NDRG1: variants seen among roughly 807,000 people sequenced by gnomAD.
The protein encoded by NDRG1 is N-myc downstream regulated 1, also known as protein NDRG1.
In NDRG1, 32 loss-of-function variants were observed where a neutral mutation model predicts 56.9. That is an observed-to-expected ratio of 0.56 (90% confidence interval 0.42 to 0.76). The LOEUF (loss-of-function observed/expected upper bound fraction) is 0.76, where lower values mean the gene tolerates loss of function less well. Ranked by LOEUF, NDRG1 falls within the 30% of genes least tolerant of loss-of-function variation. The pLI, the probability that NDRG1 is intolerant of heterozygous loss-of-function variation, is 0.00. For missense variants in NDRG1, 507 were observed against 545.7 expected, an observed-to-expected ratio of 0.93 and a Z score of 0.71; for synonymous variants, 211 against 204.1, an observed-to-expected ratio of 1.03 and a Z score of -0.29.
intron 14 of NDRG1, 25 bp from the exon 15 acceptor site, chr8:133,242,099 G>T: frequency 6.2e-7 from 1 of 1,614,078 alleles, no homozygotes; most frequent in Non-Finnish European, 8.5e-7. Context: ...GAGAGAAAAT[G>T]CAGTCAGTTG....
chr8:133,255,913 A>G (rs1326786686), intron 8 of NDRG1: 1 of 154,154 alleles, frequency 6.5e-6, no homozygotes, highest in East Asian at 1.9e-4. Flanking sequence ...AAACAAAAAC[A>G]CCACAATGAT....
intron 9 of NDRG1, 60 bp from the exon 10 acceptor site, chr8:133,250,603 A>G (rs1855963677): frequency 1.5e-6 from 2 of 1,329,792 alleles, no homozygotes; most frequent in Non-Finnish European, 2.2e-6. Context: ...GCTGGTCACT[A>G]CTCTCTCCAT....
intron 3 of NDRG1, among the ~76,000 whole-genome samples, chr8:133,273,380 G>A (rs549879465): frequency 3.3e-5 from 5 of 152,304 alleles, no homozygotes; most frequent in South Asian, 2.1e-4. Flanking sequence ...GGCTCCAGAC[G>A]TGTGGATTGA....
In NDRG1 at chr8:133,256,947, G is replaced by A. The variant is rs115154322; in HGVS notation, c.451-84C>T. 1.7e-3 allele frequency: 2,203 copies of A among 1,329,214 alleles called. 24 individuals are homozygous for A. In the African/African-American group the frequency reaches 0.028, roughly 17 times the overall value. The allele number at this position is 1,329,214 out of a possible 1,614,324, so 82.3% of individuals were successfully genotyped here. A position where few individuals can be genotyped will look rare whatever the true frequency, so the allele number is the denominator to read the frequency against. Reference sequence around the variant, plus strand: ...TTCCAAGGCAAACCAAAGCTTGAGAGAAGTACCCAGAAAAAGGCAGTGTGG... The same window carrying A: ...TTCCAAGGCAAACCAAAGCTTGAGAAAAGTACCCAGAAAAAGGCAGTGTGG... On this transcript the variant is annotated intron_variant, in intron 7 of 15. Transcript: ENST00000323851.
At chr8:133,250,823 G>C (rs943674986) in intron 9 of NDRG1, among the ~76,000 whole-genome samples, 2 of 150,406 alleles carry the variant, frequency 1.3e-5, no homozygotes, top group African/African-American at 4.9e-5. Context: ...TCAATTTGAA[G>C]TCAGACATCC....
chr8:133,280,467 A>G (rs1857732334), intron 2 of NDRG1, among the ~76,000 whole-genome samples, 200 bp from the exon 3 acceptor site: 1 of 138,606 alleles, frequency 7.2e-6, no homozygotes, highest in Non-Finnish European at 1.5e-5. Flanking sequence ...TCTGTCGCCC[A>G]GGTTAGAGTA....
At position 133,297,141 on chromosome 8, in the gene NDRG1, G is replaced by C. The variant is rs1474843512; in HGVS notation, c.-26C>G. The C allele has an allele frequency of 6.6e-6, 1 of 152,358 alleles. No individual in the cohort carries two copies. The highest frequency in any genetic ancestry group is 1.5e-5 in the Non-Finnish European group (1 of 68,136). The allele number at this position is 152,358 out of a possible 1,614,324, so 9.4% of individuals were successfully genotyped here. On this transcript the variant is annotated 5_prime_UTR_variant, in exon 1 of 16. Coordinates refer to ENST00000323851, the MANE Select transcript of NDRG1 (RefSeq NM_006096.4). ...AAGAGGGCGCGGGCTTACCTAACGC[G>C]AGGGAGAAAGGAAAGGACGGTGCCG... is the stretch of plus-strand genomic sequence containing the variant.
chr8:133,281,225 C>T (rs746580751), intron 2 of NDRG1, among the ~76,000 whole-genome samples: 6 of 152,006 alleles, frequency 3.9e-5, no homozygotes, highest in Non-Finnish European at 7.4e-5. Context: ...GGCATGATGG[C>T]GCATGCCTGT....
At chr8:133,239,309 G>A (rs1855251981) in intron 15 of NDRG1, 190 bp from the exon 16 acceptor site, 6 of 933,362 alleles carry the variant, frequency 6.4e-6, no homozygotes, top group Admixed American at 2.4e-5. Flanking sequence ...AGGCCCAGAT[G>A]CGGGAAGGAA....
chr8:133,254,381 TATGA>T (rs1343183967), intron 9 of NDRG1, among the ~76,000 whole-genome samples, 154 bp downstream of exon 9: 2 of 152,240 alleles, frequency 1.3e-5, no homozygotes, highest in Non-Finnish European at 2.9e-5. Context: ...ACTTGTTGCT[TATGA>T]ATGAATAATG....
intron 10 of NDRG1, chr8:133,249,230 CCT>C (rs1301185030): frequency 1.2e-5 from 3 of 254,232 alleles, no homozygotes; most frequent in East Asian, 9.6e-5. Context: ...CTTTCCATTC[CCT>C]GTCTCAAACC....
At position 133,283,880 on chromosome 8, in the gene NDRG1, C is replaced by T. The variant is rs943813677; in HGVS notation, c.63+369G>A. On this transcript the variant is annotated intron_variant, in intron 2 of 15. Coordinates refer to ENST00000323851, the MANE Select transcript of NDRG1 (RefSeq NM_006096.4). ...CCCCATGTTGCATGTTCTATAACCA[C>T]AGAATGTTAGAGACGGGAAAGCTGA... Among the ~76,000 whole-genome samples, 23 of 152,318 alleles carry T rather than the reference C, an allele frequency of 1.5e-4. 1 individual carries two copies. The highest frequency in any genetic ancestry group is 1.4e-3 in the Admixed American group (21 of 15,306).
At chr8:133,287,942 C>T (rs1052338409) in intron 1 of NDRG1, among the ~76,000 whole-genome samples, 8 of 144,464 alleles carry the variant, frequency 5.5e-5, no homozygotes, top group African/African-American at 2.2e-4. Context: ...TGCGTGCACA[C>T]ACGCACACAC....
Position 133,238,785 on chromosome 8 carries a change from G to A in NDRG1, c.*93C>T. The stretch of plus-strand genomic sequence containing the variant: ...TAAGCTTTGGATTAATACCGAGTTA[G>A]GCGCAGTATGGCAGGCAGGGGGCGA... On this transcript the variant is annotated 3_prime_UTR_variant, in exon 16 of 16. Coordinates refer to ENST00000323851, the MANE Select transcript of NDRG1 (RefSeq NM_006096.4). 1 of 1,374,852 alleles carries A rather than the reference G, an allele frequency of 7.3e-7. No individual in the cohort carries two copies. The highest frequency in any genetic ancestry group is 9.8e-7 in the Non-Finnish European group (1 of 1,022,254). 85.2% of individuals were successfully genotyped at this position (1,374,852 alleles called of 1,614,324 possible).
At chr8:133,278,489 G>A (rs551811881) in intron 3 of NDRG1, among the ~76,000 whole-genome samples, 1 of 152,286 alleles carries the variant, frequency 6.6e-6, no homozygotes, top group East Asian at 1.9e-4. Context: ...GCAACATAGA[G>A]AGGAACGGGA....
At chr8:133,261,625 G>A (rs4736442) in intron 5 of NDRG1, among the ~76,000 whole-genome samples, 67,998 of 152,002 alleles carry the variant, frequency 0.45, 16,216 homozygotes, top group South Asian at 0.66. Flanking sequence ...TTTCTCCCCA[G>A]ACTTCTAGGT....
At chr8:133,281,863 G>C (rs1857825798) in intron 2 of NDRG1, among the ~76,000 whole-genome samples, 4 of 152,320 alleles carry the variant, frequency 2.6e-5, no homozygotes, top group Admixed American at 2.6e-4. Flanking sequence ...ATATGTGCAT[G>C]TGAGTGTGTA....
In NDRG1 at chr8:133,238,936, G is replaced by A; in HGVS notation, c.1127C>T (p.Pro376Leu). 6.4e-7 allele frequency: 1 copy of A among 1,570,568 alleles called. No homozygotes were observed. Among genetic ancestry groups the A allele is most frequent in the Non-Finnish European group, 8.6e-7 (1 of 1,158,526 alleles). Residue 376 changes from proline (P) to leucine (L), a missense_variant, in exon 16 of 16, where the codon CCC becomes CTC. Pro to Leu is a moderately conservative substitution (Grantham distance 98). Coordinates refer to ENST00000323851, the MANE Select transcript of NDRG1 (RefSeq NM_006096.4). ...TSEGAHLDIT[P>L]NSGAAGNSAG... ...GCTGTTCCCAGCAGCACCCGAGTTG[G>A]GGGTGATGTCCAGGTGGGCCCCCTC...
At chr8:133,268,863 T>TCACACA (rs10569573) in intron 3 of NDRG1, among the ~76,000 whole-genome samples, 6,063 of 149,494 alleles carry the variant, frequency 0.041, 151 homozygotes, top group Non-Finnish European at 0.048. Context: ...ATCCCCTAAG[T>TCACACA]CACACACACA....
Sources: allele counts gnomAD v4.1 joint callset (sites outside exome capture counted in the v4.1 genomes callset), GRCh38; gene constraint gnomAD v4.1.1; transcripts MANE v1.5; gene names NCBI Gene and HGNC (gene_info 2026-07-23, HGNC 2026-07-21).